Variants in IRS1 observed in about 807,000 individuals in gnomAD.
The protein encoded by IRS1 is insulin receptor substrate 1.
Under a neutral mutation model 65.6 loss-of-function variants are expected in IRS1, and 34 were observed. That is an observed-to-expected ratio of 0.52 (90% CI 0.39 to 0.69). The LOEUF is 0.69. IRS1 is among the 30% of genes least tolerant of loss of function. IRS1 has a pLI of 0.00. For synonymous variants in IRS1, 699 were observed against 683.5 expected (o/e 1.02, Z -0.35); for missense variants, 1,641 against 1,720.2 (o/e 0.95, Z 0.81).
intron 1 of IRS1, among the ~76,000 whole-genome samples, chr2:226,787,177 T>C (rs1292131540): frequency 1.3e-5 from 2 of 152,128 alleles, no homozygotes. Flanking sequence ...GGACTAAAGA[T>C]CCAAAGCAAA....
At chr2:226,774,992 A>G (rs1468209579) in intron 1 of IRS1, among the ~76,000 whole-genome samples, 1 of 152,224 alleles carries the variant, frequency 6.6e-6, no homozygotes, top group Non-Finnish European at 1.5e-5. Flanking sequence ...CCTTGATACT[A>G]TACTGCATGA....
At chr2:226,763,664 T>G (rs1434804093) in intron 1 of IRS1, among the ~76,000 whole-genome samples, 1 of 152,246 alleles carries the variant, frequency 6.6e-6, no homozygotes, top group East Asian at 1.9e-4. Flanking sequence ...ATCTACGTAT[T>G]CTGGCCTTTC....
rs1486646288 is a variant in IRS1, at chr2:226,798,414, C to G, written c.325G>C (p.Ala109Pro). 1 of 1,614,058 alleles carries G rather than the reference C, an allele frequency of 6.2e-7. No homozygotes were observed. Among genetic ancestry groups the G allele is most frequent in the Non-Finnish European group, 8.5e-7 (1 of 1,180,008 alleles). Reference sequence around the variant, plus strand: ...GCACGGTTGTGCAGCTGTAGGAGAGCCTGGTACCAGCTGTCTTGCTCGGCC... The same window carrying G: ...GCACGGTTGTGCAGCTGTAGGAGAGGCTGGTACCAGCTGTCTTGCTCGGCC... ...SEAEQDSWYQ[A>P]LLQLHNRAKG... The change falls in exon 1 of 2, where the codon GCT (alanine) becomes CCT (proline). Residue 109 changes from alanine to proline, a missense_variant. Ala to Pro is a conservative substitution (Grantham distance 27, BLOSUM62 -1). Around this residue, in one of 3 missense-constraint regions of IRS1, gnomAD observed 240 missense variants for 229.6 expected, o/e 1.05. Transcript: ENST00000305123. This position sits in a 1 kb window ranked among gnomAD's most constrained non-coding sequence, Gnocchi z 9.4.
intron 1 of IRS1, among the ~76,000 whole-genome samples, chr2:226,763,150 GA>G (rs982914369): frequency 4.6e-5 from 7 of 152,076 alleles, no homozygotes; most frequent in Non-Finnish European, 8.8e-5. Context: ...TTGGTTTCAG[GA>G]AAAAAGAAAC....
Position 226,732,464 on chromosome 2 carries a change from A to G in IRS1, c.*3808T>C, listed in dbSNP as rs1307553439. On this transcript the variant is annotated 3_prime_UTR_variant, in exon 2 of 2. Coordinates refer to ENST00000305123, the MANE Select transcript of IRS1 (RefSeq NM_005544.3). The stretch of plus-strand genomic sequence containing the variant: ...CCTCTCAAGTTTCTCACAAGCCTAT[A>G]CATCTATATATATATATATATATAT... 1 of 140,978 alleles carries G rather than the reference A, an allele frequency of 7.1e-6. No individual in the cohort carries two copies. The highest frequency in any genetic ancestry group is 2.8e-5 in the African/African-American group (1 of 35,190). The allele number at this position is 140,978 out of a possible 1,614,324, so 8.7% of individuals were successfully genotyped here. A position where few individuals can be genotyped will look rare whatever the true frequency, so the allele number is the denominator to read the frequency against.
At chr2:226,791,013 G>C (rs1235340019) in intron 1 of IRS1, among the ~76,000 whole-genome samples, 1 of 152,130 alleles carries the variant, frequency 6.6e-6, no homozygotes, top group East Asian at 1.9e-4. Flanking sequence ...TGTCACACCG[G>C]GTTCTCAGGA....
chr2:226,746,785 C>CTTT (rs1213711501), intron 1 of IRS1, among the ~76,000 whole-genome samples: 168 of 118,354 alleles, frequency 1.4e-3, no homozygotes, highest in South Asian at 2.0e-3. Context: ...TAGCAGCATT[C>CTTT]TTTTTTTTTT....
At position 226,796,006 on chromosome 2, in the gene IRS1, G is replaced by T; in HGVS notation, c.2733C>A (p.Gly911=). The part of the protein sequence containing the change: ...FGSDQSGYLS[G]PVAFHSSPSV... ...AAGGTGAGCTGTGGAAAGCCACCGG[G>T]CCAGACAAGTAGCCAGACTGATCAC... The change falls in exon 1 of 2, where the codon GGC becomes GGA. Residue 911 remains glycine, a synonymous_variant. Transcript: ENST00000305123. 1 of 1,614,156 alleles carries T rather than the reference G, an allele frequency of 6.2e-7. No homozygotes were observed.
chr2:226,751,688 C>T (rs1485878779), intron 1 of IRS1, among the ~76,000 whole-genome samples: 1 of 152,046 alleles, frequency 6.6e-6, no homozygotes, highest in Non-Finnish European at 1.5e-5. Context: ...AGCTGTGACC[C>T]AGTACATTTC....
At chr2:226,739,365 A>G (rs1293803233) in intron 1 of IRS1, among the ~76,000 whole-genome samples, 1 of 152,158 alleles carries the variant, frequency 6.6e-6, no homozygotes, top group Non-Finnish European at 1.5e-5. Context: ...ACAACAGCCA[A>G]CTTGGGGGCT....
intron 1 of IRS1, among the ~76,000 whole-genome samples, chr2:226,752,139 T>C (rs1938696848): frequency 6.6e-6 from 1 of 152,212 alleles, no homozygotes; most frequent in Non-Finnish European, 1.5e-5. Context: ...AAGGATTCCT[T>C]GTGCAGGTAG....
Position 226,795,465 on chromosome 2 carries a change from G to T in IRS1, c.3274C>A (p.Pro1092Thr). The T allele has an allele frequency of 6.2e-7, 1 of 1,613,552 alleles. No individual in the cohort carries two copies. Among genetic ancestry groups the T allele is most frequent in the Non-Finnish European group, 8.5e-7 (1 of 1,180,024 alleles). ...CTATGCCTCCGCCGGCACCCTTGTGGGTCTGCACGGATCACTTTGGCACTC... is the reference window on the plus strand; with the variant it reads ...CTATGCCTCCGCCGGCACCCTTGTGTGTCTGCACGGATCACTTTGGCACTC... ...NQSAKVIRAD[P>T]QGCRRRHSSE... The change falls in exon 1 of 2, where the codon CCA becomes ACA. Residue 1092 changes from proline (P) to threonine (T), a missense_variant. Transcript: ENST00000305123.
At chr2:226,770,538 G>A (rs781649882) in intron 1 of IRS1, among the ~76,000 whole-genome samples, 4 of 152,128 alleles carry the variant, frequency 2.6e-5, no homozygotes, top group African/African-American at 4.8e-5. Context: ...AATAGTGAAT[G>A]GCTTTACAAA....
At chr2:226,781,174 AT>A (rs1939374057) in intron 1 of IRS1, among the ~76,000 whole-genome samples, 1 of 152,162 alleles carries the variant, frequency 6.6e-6, no homozygotes, top group African/African-American at 2.4e-5. Context: ...CTAATAAAAG[AT>A]TTGGGCATTT....
chr2:226,759,327 G>A lies in IRS1; in HGVS notation c.*22-23077C>T, dbSNP rs10173960. 8.0e-3 allele frequency among the ~76,000 whole-genome samples: 1,222 copies of A among 152,340 alleles called. 22 individuals carry two copies. Among genetic ancestry groups the A allele is most frequent in the African/African-American group, 0.028 (1,169 of 41,580 alleles). On this transcript the variant is annotated intron_variant, in intron 1 of 1. Coordinates refer to ENST00000305123, the MANE Select transcript of IRS1 (RefSeq NM_005544.3). ...GAGAAAATGTTTACAGAGGTTTGCA[G>A]CAAATAAACTTCTAAATATAGTACC... is the stretch of plus-strand genomic sequence containing the variant.
In IRS1 at chr2:226,734,477, C is replaced by T. The variant is rs1362519894; in HGVS notation, c.*1795G>A. On this transcript the variant is annotated 3_prime_UTR_variant, in exon 2 of 2. Coordinates refer to ENST00000305123, the MANE Select transcript of IRS1 (RefSeq NM_005544.3). ...GAGGGGTTCCATTTATCTCCGCTCC[C>T]TTTTGAGTAGAGCTGGGGTCCCCAA... The T allele has an allele frequency of 6.6e-6, 1 of 152,218 alleles. No homozygotes were observed. Among genetic ancestry groups the T allele is most frequent in the East Asian group, 1.9e-4 (1 of 5,184 alleles). 9.4% of individuals were successfully genotyped at this position (152,218 alleles called of 1,614,324 possible). A position where few individuals can be genotyped will look rare whatever the true frequency, so the allele number is the denominator to read the frequency against.
Position 226,798,460 on chromosome 2 carries a change from A to T in IRS1, c.279T>A (p.Phe93Leu), listed in dbSNP as rs749548805. ...CGGCCTCGCTGTCCGCCGCGATGGC[A>T]AAGTGCTCGTCCCGGGTGTAGAGAG... is the stretch of plus-strand genomic sequence containing the variant. The part of the protein sequence containing the change: ...LVALYTRDEH[F>L]AIAADSEAEQ... Residue 93 changes from phenylalanine (F) to leucine (L), a missense_variant, in exon 1 of 2, where the codon TTT becomes TTA. Physicochemically the swap from Phe to Leu is conservative, Grantham distance 22. Coordinates refer to ENST00000305123, the MANE Select transcript of IRS1 (RefSeq NM_005544.3). The surrounding 1 kb of genome is among the most constrained non-coding windows in gnomAD (Gnocchi z 9.4). 6.2e-7 allele frequency: 1 copy of T among 1,614,146 alleles called. No homozygotes were observed. The highest frequency in any genetic ancestry group is 8.5e-7 in the Non-Finnish European group (1 of 1,180,036).
At chr2:226,752,093 G>C (rs1373427499) in intron 1 of IRS1, among the ~76,000 whole-genome samples, 1 of 152,162 alleles carries the variant, frequency 6.6e-6, no homozygotes, top group South Asian at 2.1e-4. Context: ...ATTTTCTGCT[G>C]AGTATTAATT....
At position 226,734,722 on chromosome 2, in the gene IRS1, T is replaced by C. The variant is rs931712426; in HGVS notation, c.*1550A>G. On this transcript the variant is annotated 3_prime_UTR_variant, in exon 2 of 2. Transcript: ENST00000305123. ...TTCATTTAACCTTTAGGAAGTTTCC[T>C]GGTAAAAAGATTTAAAAATCTGTCG... 1 of 152,232 alleles carries C rather than the reference T, an allele frequency of 6.6e-6. No individual in the cohort carries two copies. The allele number at this position is 152,232 out of a possible 1,614,324, so 9.4% of individuals were successfully genotyped here.
Sources: gnomAD v4.1 joint callset for allele counts (sites outside exome capture counted in the v4.1 genomes callset) on GRCh38, gnomAD v4.1.1 for gene constraint, gnomAD v4.1.1 regional missense constraint, Gnocchi (gnomAD v3.1) non-coding constraint, MANE v1.5 for transcripts, NCBI Gene and HGNC (gene_info 2026-07-23, HGNC 2026-07-21) for gene names.